Variants in BICRA observed in about 807,000 individuals in gnomAD.
The protein encoded by BICRA is BRD4-interacting chromatin-remodeling complex-associated protein.
A neutral mutation model predicts 96.9 loss-of-function variants in BICRA; 31 were observed. That is an observed-to-expected ratio of 0.32 (90% CI 0.24 to 0.43). BICRA has a LOEUF of 0.43. Ranked by LOEUF, BICRA falls within the 20% of genes least tolerant of loss-of-function variation. The probability of loss-of-function intolerance (pLI) is 1.00; values close to 1 mark genes in which losing one functional copy is unlikely to be tolerated. For missense variants in BICRA, 2,283 were observed against 2,190.3 expected, an observed-to-expected ratio of 1.04 and a Z score of -0.84; for synonymous variants, 1,350 against 1,071.8, an observed-to-expected ratio of 1.26 and a Z score of -5.07.
Position 47,701,523 on chromosome 19 carries a change from CGTCCTCCTCCCT to C in BICRA, c.3801_3812del (p.Leu1268_Ser1271del), listed in dbSNP as rs1303274889. On this transcript the variant is annotated inframe_deletion, in exon 15 of 15. Coordinates refer to ENST00000594866, the MANE Select transcript of BICRA (RefSeq NM_001394372.1). The surrounding 1 kb of genome is among the most constrained non-coding windows in gnomAD (Gnocchi z 5.4). ...TCCCCTTCGGTCACCTGGGCCCGGG[CGTCCTCCTCCCT>C]GTCCTCCTCTTCCTCCTCCTCCTCT... 9.0e-6 allele frequency: 14 copies of C among 1,547,858 alleles called. No homozygotes were observed. The highest frequency in any genetic ancestry group is 2.0e-5 in the Admixed American group (1 of 50,970).
At chr19:47,621,514 C>T (rs1420166920) in intron 1 of BICRA, among the ~76,000 whole-genome samples, 3 of 150,598 alleles carry the variant, frequency 2.0e-5, no homozygotes, top group Non-Finnish European at 4.4e-5. Flanking sequence ...GCTCTTGTTG[C>T]CCAGGCTGGA....
intron 1 of BICRA, among the ~76,000 whole-genome samples, chr19:47,645,658 A>G (rs1972449005): frequency 6.6e-6 from 1 of 152,236 alleles, no homozygotes; most frequent in Admixed American, 6.5e-5. Context: ...ACACAAAAGT[A>G]GCTTGTAATC....
intron 9 of BICRA, 127 bp from the exon 10 acceptor site, chr19:47,695,238 G>A: frequency 1.3e-6 from 1 of 766,224 alleles, no homozygotes; most frequent in Non-Finnish European, 2.2e-6. Context: ...GGCAGGGCTG[G>A]CCCCAGATTT....
In BICRA at chr19:47,630,159, CTT is replaced by C. The variant is rs778786532; in HGVS notation, c.-108+21009_-108+21010del. ...TCTACTCTCTATATATTGGCCAATT[CTT>C]TTTTTTTTTTTTTTTTTGAGATGGA... On this transcript the variant is annotated intron_variant, in intron 1 of 14. Coordinates refer to ENST00000594866, the MANE Select transcript of BICRA (RefSeq NM_001394372.1). Among the ~76,000 whole-genome samples, 935 of 103,330 alleles carry C rather than the reference CTT, an allele frequency of 9.0e-3. 5 individuals are homozygous for C. The highest frequency in any genetic ancestry group is 0.034 in the African/African-American group (890 of 26,526). The allele number at this position is 103,330 out of a possible 152,430, so 67.8% of individuals were successfully genotyped here. A position where few individuals can be genotyped will look rare whatever the true frequency, so the allele number is the denominator to read the frequency against.
At chr19:47,671,731 AGG>A (rs1177540397) in intron 2 of BICRA, among the ~76,000 whole-genome samples, 1 of 107,976 alleles carries the variant, frequency 9.3e-6, no homozygotes, top group Non-Finnish European at 1.9e-5. Context: ...AGAAGGATGG[AGG>A]GGATGGGTAG....
chr19:47,618,561 C>T (rs1972016760), intron 1 of BICRA, among the ~76,000 whole-genome samples: 1 of 152,036 alleles, frequency 6.6e-6, no homozygotes, highest in South Asian at 2.1e-4. Context: ...GGTTGATGCC[C>T]CTTGACCCCC....
At chr19:47,694,814 T>C in intron 8 of BICRA, 86 bp from the exon 9 acceptor site, 3 of 1,136,726 alleles carry the variant, frequency 2.6e-6, no homozygotes, top group Non-Finnish European at 3.7e-6. Flanking sequence ...CTTACGGCTC[T>C]GTGATCCTCC....
intron 1 of BICRA, among the ~76,000 whole-genome samples, chr19:47,659,557 T>G (rs1199897535): frequency 6.6e-6 from 1 of 152,110 alleles, no homozygotes; most frequent in African/African-American, 2.4e-5. Flanking sequence ...TTTCTCCATG[T>G]GGATGCCACC....
rs1275897202 is a variant in BICRA at position 47,698,488 on chromosome 19, A to T, written c.3249-146A>T. On this transcript the variant is annotated intron_variant, in intron 11 of 14. Transcript: ENST00000594866. This position sits in a 1 kb window ranked among gnomAD's most constrained non-coding sequence, Gnocchi z 4.8. ...GTGAGATGGAACAAGCACGTTCAGT[A>T]CATGGGAACACCACTGCCCAAGTAT... The T allele has an allele frequency of 3.2e-6, 2 of 625,944 alleles. No individual in the cohort carries two copies. Among genetic ancestry groups the T allele is most frequent in the Non-Finnish European group, 5.8e-6 (2 of 347,290 alleles). 38.8% of individuals were successfully genotyped at this position (625,944 alleles called of 1,614,324 possible).
chr19:47,620,789 G>GT (rs1461527941), intron 1 of BICRA, among the ~76,000 whole-genome samples: 1 of 151,752 alleles, frequency 6.6e-6, no homozygotes, highest in Middle Eastern at 3.2e-3. Flanking sequence ...ATCCCGATGA[G>GT]TGGCGTCCAG....
intron 6 of BICRA, 21 bp downstream of exon 6, chr19:47,681,297 G>A: frequency 6.5e-7 from 1 of 1,540,596 alleles, no homozygotes; most frequent in East Asian, 2.4e-5. Context: ...CGGGGCAAGG[G>A]AGCAGGTACC....
intron 7 of BICRA, among the ~76,000 whole-genome samples, chr19:47,691,818 C>G (rs529962398): frequency 3.9e-5 from 6 of 152,272 alleles, no homozygotes; most frequent in African/African-American, 1.4e-4. Flanking sequence ...GCCTTGGCCT[C>G]CCAAAGTGCT....
In BICRA at chr19:47,656,108, A is replaced by ACACACACG. The variant is rs1395595593; in HGVS notation, c.-107-14332_-107-14331insACACGCAC. Reference sequence around the variant, plus strand: ...CACACACACACACACACACACACACACACTCTGAATAAATAAGTAAATTTT... The same window carrying ACACACACG: ...CACACACACACACACACACACACACACACACACGCACTCTGAATAAATAAGTAAATTTT... On this transcript the variant is annotated intron_variant, in intron 1 of 14. Transcript: ENST00000594866. Among the ~76,000 whole-genome samples, 3 of 128,942 alleles carry ACACACACG rather than the reference A, an allele frequency of 2.3e-5. No individual in the cohort carries two copies. The South Asian group carries it at 8.5e-4, about 37-fold the overall frequency. The allele number at this position is 128,942 out of a possible 152,430, so 84.6% of individuals were successfully genotyped here.
chr19:47,618,487 A>G (rs1972015954), intron 1 of BICRA, among the ~76,000 whole-genome samples: 1 of 152,062 alleles, frequency 6.6e-6, no homozygotes, highest in Admixed American at 6.6e-5. Context: ...TAGTGTTGTT[A>G]TTGCTTCTGT....
In BICRA at chr19:47,698,736, C is replaced by T; in HGVS notation, c.3351C>T (p.Tyr1117=). ...FEDALHRLLP[Y]HVYQGALPSP... is the part of the protein sequence containing the mutation. ...ACGCCCTGCATCGCCTCCTGCCCTA[C>T]CATGTCTACCAGGGCGCCCTCCCCT... Residue 1117 remains tyrosine (Y), a synonymous_variant, in exon 12 of 15, where the codon TAC becomes TAT. Transcript: ENST00000594866. This position sits in a 1 kb window ranked among gnomAD's most constrained non-coding sequence, Gnocchi z 4.8. The T allele has an allele frequency of 6.2e-7, 1 of 1,609,598 alleles. No homozygotes were observed. Among genetic ancestry groups the T allele is most frequent in the Non-Finnish European group, 8.5e-7 (1 of 1,176,272 alleles).
chr19:47,701,460 C>T lies in BICRA; in HGVS notation c.3728C>T (p.Pro1243Leu). 6.4e-7 allele frequency: 1 copy of T among 1,565,884 alleles called. No homozygotes were observed. Among genetic ancestry groups the T allele is most frequent in the Non-Finnish European group, 8.6e-7 (1 of 1,156,418 alleles). ...GASTQPPPHL[P>L]TKLVIRHGGA... ...TCCACCCAGCCCCCTCCACACCTGCCCACCAAGCTTGTGATCCGGCACGGC... is the reference window on the plus strand; with the variant it reads ...TCCACCCAGCCCCCTCCACACCTGCTCACCAAGCTTGTGATCCGGCACGGC... Residue 1243 changes from proline to leucine, a missense_variant, in exon 15 of 15, where the codon CCC becomes CTC. Pro to Leu is a moderately conservative substitution (Grantham distance 98). Transcript: ENST00000594866. This position sits in a 1 kb window ranked among gnomAD's most constrained non-coding sequence, Gnocchi z 5.4.
chr19:47,681,270 G>T lies in BICRA; in HGVS notation c.2100G>T (p.Leu700=), dbSNP rs967275415. The change falls in exon 6 of 15, where the codon CTG becomes CTT. Residue 700 remains leucine (L), a synonymous_variant. Coordinates refer to ENST00000594866, the MANE Select transcript of BICRA (RefSeq NM_001394372.1). ...ILTQDSLQMF[L]PQERSQQPLS... is the part of the protein sequence containing the mutation. Reference sequence around the variant, plus strand: ...CTCAGGACTCCCTGCAGATGTTCCTGCCCCAGGTAAGCAGGGCGGGGCAAG... The same window carrying T: ...CTCAGGACTCCCTGCAGATGTTCCTTCCCCAGGTAAGCAGGGCGGGGCAAG... The T allele has an allele frequency of 1.3e-6, 2 of 1,541,724 alleles. No individual in the cohort carries two copies. The highest frequency in any genetic ancestry group is 4.8e-5 in the East Asian group (2 of 41,696).
chr19:47,642,200 G>A (rs927828466), intron 1 of BICRA, among the ~76,000 whole-genome samples: 1 of 152,138 alleles, frequency 6.6e-6, no homozygotes, highest in African/African-American at 2.4e-5. Flanking sequence ...TCTTTTGCTG[G>A]CAATATGCCA....
At chr19:47,623,846 CTTTT>C (rs58458331) in intron 1 of BICRA, among the ~76,000 whole-genome samples, 1 of 139,446 alleles carries the variant, frequency 7.2e-6, no homozygotes, top group Non-Finnish European at 1.6e-5. Context: ...CTCTCTCTCT[CTTTT>C]TTTTTTTTTT....
Sources: allele counts gnomAD v4.1 joint callset (sites outside exome capture counted in the v4.1 genomes callset), GRCh38; gene constraint gnomAD v4.1.1; non-coding constraint Gnocchi (gnomAD v3.1); transcripts MANE v1.5; gene names NCBI Gene and HGNC (gene_info 2026-07-23, HGNC 2026-07-21).